The following CA10 variants were observed in gnomAD, a reference collection of about 807,000 sequenced individuals.
The protein encoded by CA10 is carbonic anhydrase-related protein 10.
A neutral mutation model predicts 44.2 loss-of-function variants in CA10; 14 were observed. The observed-to-expected ratio is 0.32, with a 90% CI of 0.21 to 0.50. The LOEUF (loss-of-function observed/expected upper bound fraction) is 0.50, where lower values mean the gene tolerates loss of function less well. CA10 is among the 20% of genes least tolerant of loss of function. The pLI, the probability that CA10 is intolerant of heterozygous loss-of-function variation, is 0.99. For missense variants in CA10, 350 were observed against 409.7 expected (o/e 0.85, Z 1.26); for synonymous variants, 159 against 141.6 (o/e 1.12, Z -0.87).
chr17:51,696,352 TG>T (rs563096224), intron 4 of CA10, among the ~76,000 whole-genome samples: 2 of 152,196 alleles, frequency 1.3e-5, no homozygotes, highest in South Asian at 4.1e-4. Context: ...AACTTAATAT[TG>T]GTCTGTTCAG....
intron 2 of CA10, among the ~76,000 whole-genome samples, chr17:52,042,044 G>C (rs1209044282): frequency 6.6e-6 from 1 of 152,020 alleles, no homozygotes; most frequent in African/African-American, 2.4e-5. Context: ...AATGGATAGT[G>C]CTCCAATGAA....
At chr17:51,693,359 C>T (rs1915285713) in intron 4 of CA10, among the ~76,000 whole-genome samples, 1 of 152,100 alleles carries the variant, frequency 6.6e-6, no homozygotes, top group African/African-American at 2.4e-5. Flanking sequence ...ATAATTTTAA[C>T]ATTTTTGACT....
chr17:52,145,435 C>T (rs908491642), intron 1 of CA10, among the ~76,000 whole-genome samples: 2 of 152,276 alleles, frequency 1.3e-5, no homozygotes, highest in African/African-American at 4.8e-5. Context: ...ATTAATTCCT[C>T]CATGCCACAG....
At chr17:51,756,538 C>T (rs1246530955) in intron 3 of CA10, among the ~76,000 whole-genome samples, 1 of 147,398 alleles carries the variant, frequency 6.8e-6, no homozygotes, top group Non-Finnish European at 1.5e-5. Flanking sequence ...GCCATCTCGG[C>T]TCACTGCTGC....
chr17:51,937,179 C>G (rs1265758423), intron 2 of CA10, among the ~76,000 whole-genome samples: 1 of 152,136 alleles, frequency 6.6e-6, no homozygotes, highest in Non-Finnish European at 1.5e-5. Flanking sequence ...ACAGATAAAG[C>G]CTTCCACTTC....
intron 2 of CA10, among the ~76,000 whole-genome samples, chr17:51,970,335 G>T (rs1350976249): frequency 6.6e-6 from 1 of 150,546 alleles, no homozygotes; most frequent in East Asian, 2.0e-4. Flanking sequence ...ATTTCCTTCA[G>T]GAAAGAAAAA....
intron 4 of CA10, among the ~76,000 whole-genome samples, chr17:51,665,431 G>T (rs1490706499): frequency 6.6e-6 from 1 of 152,168 alleles, no homozygotes. Context: ...AAAACATGGA[G>T]ATTTTAAGGA....
chr17:51,956,009 T>C (rs150669224), intron 2 of CA10, among the ~76,000 whole-genome samples: 58 of 152,258 alleles, frequency 3.8e-4, no homozygotes, highest in African/African-American at 1.4e-3. Flanking sequence ...TCTGGACTAA[T>C]TTTAGATTTC....
At chr17:51,975,718 C>T (rs1419963391) in intron 2 of CA10, among the ~76,000 whole-genome samples, 1 of 151,800 alleles carries the variant, frequency 6.6e-6, no homozygotes, top group Non-Finnish European at 1.5e-5. Context: ...CAAAAATTAG[C>T]TGGGTGTGGT....
At chr17:52,102,424 G>A (rs1265915445) in intron 1 of CA10, among the ~76,000 whole-genome samples, 1 of 152,194 alleles carries the variant, frequency 6.6e-6, no homozygotes. Flanking sequence ...GACAGAGATA[G>A]GCCTTGAAAG....
chr17:51,918,206 C>T (rs1982081516), intron 3 of CA10, among the ~76,000 whole-genome samples: 1 of 152,186 alleles, frequency 6.6e-6, no homozygotes, highest in African/African-American at 2.4e-5. Flanking sequence ...AATGTGTATT[C>T]ATTTTCTCCA....
chr17:52,099,966 T>G (rs905149419), intron 1 of CA10, among the ~76,000 whole-genome samples: 5 of 152,030 alleles, frequency 3.3e-5, no homozygotes, highest in African/African-American at 1.2e-4. Context: ...GTGGCCCTAG[T>G]GGAGTGGTGG....
At chr17:52,066,220 G>C (rs1331450308) in intron 2 of CA10, among the ~76,000 whole-genome samples, 1 of 152,196 alleles carries the variant, frequency 6.6e-6, no homozygotes, top group Admixed American at 6.5e-5. Flanking sequence ...TTTGGAACTG[G>C]GTAACAGGCA....
chr17:51,649,235 G>C lies in CA10; in HGVS notation c.581C>G (p.Pro194Arg), dbSNP rs78297325. 2.8e-4 allele frequency: 444 copies of C among 1,613,046 alleles called. 6 individuals are homozygous for C. The East Asian group carries it at 6.6e-3, about 24-fold the overall frequency. The stretch of plus-strand genomic sequence containing the variant: ...TCTGTTGAGCATTCGATTAAGAAAT[G>C]GGTTTGATGAATCAGAAACCTGGAG... ...IFIKVSDSSN[P>R]FLNRMLNRDT... Residue 194 changes from proline to arginine, a missense_variant, in exon 6 of 9, where the codon CCA becomes CGA. Transcript: ENST00000451037.
chr17:52,114,208 G>C (rs1048377638), intron 1 of CA10, among the ~76,000 whole-genome samples: 2 of 152,304 alleles, frequency 1.3e-5, no homozygotes, highest in African/African-American at 2.4e-5. Flanking sequence ...TTGGGGAAGA[G>C]GCTTATATCC....
intron 4 of CA10, among the ~76,000 whole-genome samples, chr17:51,717,473 C>T (rs1285166162): frequency 2.0e-5 from 3 of 146,914 alleles, no homozygotes; most frequent in African/African-American, 5.1e-5. Context: ...TTCACAATCG[C>T]AAAATCGTGG....
intron 2 of CA10, among the ~76,000 whole-genome samples, chr17:52,036,920 C>A (rs1986635211): frequency 6.6e-6 from 1 of 152,106 alleles, no homozygotes; most frequent in Non-Finnish European, 1.5e-5. Context: ...GGTGGAGCTA[C>A]TGAGGCGGGC....
rs146258856 is a variant in CA10, at chr17:51,743,598, A to G, written c.465+4035T>C. ...ACAAAGCAAATGATTACCATCAATT[A>G]CAATAACCTCACTAGACAAGACTGC... On this transcript the variant is annotated intron_variant, in intron 4 of 8. Coordinates refer to ENST00000451037, the MANE Select transcript of CA10 (RefSeq NM_020178.5). Among the ~76,000 whole-genome samples the G allele has an allele frequency of 1.4e-3, 218 of 152,388 alleles. 1 individual carries two copies. The Middle Eastern group carries it at 0.031, about 21-fold the overall frequency.
chr17:51,764,270 C>T (rs1905292759), intron 3 of CA10, among the ~76,000 whole-genome samples: 2 of 152,104 alleles, frequency 1.3e-5, no homozygotes, highest in African/African-American at 4.8e-5. Flanking sequence ...CTTGCAAAGC[C>T]CCTTCTCATT....
Sources: allele counts gnomAD v4.1 joint callset (sites outside exome capture counted in the v4.1 genomes callset), GRCh38; gene constraint gnomAD v4.1.1; transcripts MANE v1.5; gene names NCBI Gene and HGNC (gene_info 2026-07-23, HGNC 2026-07-21).